The following ITGB5 variants were observed in gnomAD, a reference collection of about 807,000 sequenced individuals.
The protein encoded by ITGB5 is integrin beta-5.
A neutral mutation model predicts 84.8 loss-of-function variants in ITGB5; 38 were observed. That is an observed-to-expected ratio of 0.45 (90% CI 0.35 to 0.59). The LOEUF is 0.59. ITGB5 is among the 20% of genes least tolerant of loss of function. The pLI is 0.01. For synonymous variants in ITGB5, 393 were observed against 414.4 expected (o/e 0.95, Z 0.63); for missense variants, 905 against 1,034.5 (o/e 0.87, Z 1.72).
At chr3:124,859,874 A>G (rs1034609505) in intron 2 of ITGB5, among the ~76,000 whole-genome samples, 9 of 152,154 alleles carry the variant, frequency 5.9e-5, no homozygotes, top group African/African-American at 1.9e-4. Context: ...CTTGAGATCA[A>G]GAGTTTGAGA....
intron 11 of ITGB5, 79 bp from the exon 12 acceptor site, chr3:124,769,192 C>T (rs2063807983): frequency 5.3e-6 from 6 of 1,126,286 alleles, no homozygotes; most frequent in Non-Finnish European, 7.9e-6. Context: ...CCTGACAGTG[C>T]AGGACCTGGG....
At position 124,848,427 on chromosome 3, in the gene ITGB5, C is replaced by CGG. The variant is rs2065106419; in HGVS notation, c.492_493insCC (p.Ala165ProfsTer5). The CGG allele has an allele frequency of 6.8e-6, 11 of 1,614,174 alleles. No homozygotes were observed. The highest frequency in any genetic ancestry group is 9.3e-6 in the Non-Finnish European group (11 of 1,180,028). On this transcript the variant is annotated frameshift_variant, in exon 4 of 15. Coordinates refer to ENST00000296181, the MANE Select transcript of ITGB5 (RefSeq NM_002213.5). LOFTEE classifies it high-confidence loss of function. ...CTGGTGAGCTTCCTCATCTCCTCCG[C>CGG]GAGTTTGGTGCCCAGGCTCCGGATA... is the stretch of plus-strand genomic sequence containing the variant.
At chr3:124,880,597 G>A (rs1934520947) in intron 1 of ITGB5, among the ~76,000 whole-genome samples, 2 of 152,138 alleles carry the variant, frequency 1.3e-5, no homozygotes, top group Non-Finnish European at 2.9e-5. Flanking sequence ...TTGGGTGACA[G>A]AGCGAGATTC....
chr3:124,792,257 A>G (rs754311716), intron 10 of ITGB5: 14 of 152,374 alleles, frequency 9.2e-5, no homozygotes, highest in African/African-American at 3.4e-4. Context: ...AAAAAGCATC[A>G]TACAAAATTG....
chr3:124,804,720 G>A (rs1402771248), intron 9 of ITGB5, among the ~76,000 whole-genome samples: 6 of 152,176 alleles, frequency 3.9e-5, no homozygotes, highest in Non-Finnish European at 7.3e-5. Context: ...AGGCTAGAGT[G>A]CAGTGGTGCA....
chr3:124,846,959 T>C (rs947666799), intron 4 of ITGB5, among the ~76,000 whole-genome samples: 1 of 152,122 alleles, frequency 6.6e-6, no homozygotes, highest in African/African-American at 2.4e-5. Flanking sequence ...ATGCAGACTC[T>C]AAAAGTAGTT....
upstream of ITGB5, among the ~76,000 whole-genome samples, chr3:124,890,219 T>C (rs1579350765): frequency 1.1e-5 from 1 of 88,550 alleles, no homozygotes; most frequent in South Asian, 3.6e-4. Flanking sequence ...TTTTTTTTTT[T>C]TGGAGACGGA....
Position 124,873,426 on chromosome 3 carries a change from C to T in ITGB5, c.156+20G>A. The T allele has an allele frequency of 6.4e-7, 1 of 1,564,380 alleles. No individual in the cohort carries two copies. Among genetic ancestry groups the T allele is most frequent in the Non-Finnish European group, 8.8e-7 (1 of 1,134,676 alleles). ...TCGCAGCATTCCTTCCCTTCTTCCT[C>T]CCCTCCCCCACCTACATACCTCTTT... On this transcript the variant is annotated intron_variant, in intron 2 of 14. Coordinates refer to ENST00000296181, the MANE Select transcript of ITGB5 (RefSeq NM_002213.5).
At chr3:124,779,694 A>G (rs987910899) in intron 10 of ITGB5, among the ~76,000 whole-genome samples, 9 of 152,064 alleles carry the variant, frequency 5.9e-5, no homozygotes, top group Non-Finnish European at 1.2e-4. Flanking sequence ...TGTATATTTA[A>G]ATGGGGCCAG....
chr3:124,858,404 A>C (rs941538778), intron 3 of ITGB5, among the ~76,000 whole-genome samples: 14 of 152,162 alleles, frequency 9.2e-5, no homozygotes, highest in African/African-American at 3.4e-4. Flanking sequence ...TTCCTGAGCA[A>C]CTTGCATTCA....
intron 2 of ITGB5, among the ~76,000 whole-genome samples, chr3:124,861,546 A>G (rs755065175): frequency 2.8e-4 from 40 of 145,132 alleles, no homozygotes; most frequent in Non-Finnish European, 4.3e-4. Context: ...ACACATATAT[A>G]TATTATTCTG....
At position 124,762,413 on chromosome 3, in the gene ITGB5, C is replaced by G. The variant is rs1163980909; in HGVS notation, c.*1210G>C. The G allele has an allele frequency of 6.6e-6, 1 of 152,214 alleles. No homozygotes were observed. The highest frequency in any genetic ancestry group is 2.4e-5 in the African/African-American group (1 of 41,448). 9.4% of individuals were successfully genotyped at this position (152,214 alleles called of 1,614,324 possible). ...TAACAAACACTCGGGCAAGCCACTT[C>G]CCCTCTCTGAGAATCAGTTTCCTCT... On this transcript the variant is annotated 3_prime_UTR_variant, in exon 15 of 15. Transcript: ENST00000296181.
exon 1 of ITGB5, chr3:124,901,285 G>A (rs1302575202): frequency 6.6e-6 from 1 of 152,258 alleles, no homozygotes; most frequent in Non-Finnish European, 1.5e-5. Flanking sequence ...CAGCTATTCG[G>A]GAGGCTGAGG....
rs149343492 is a variant in ITGB5, at chr3:124,859,421, G to A, written c.182C>T (p.Thr61Ile). The A allele has an allele frequency of 4.6e-5, 75 of 1,614,124 alleles. No individual in the cohort carries two copies. In the African/African-American group the frequency reaches 9.7e-4, roughly 21 times the overall value. The change falls in exon 3 of 15, where the codon ACC becomes ATC. Residue 61 changes from threonine (T) to isoleucine (I), a missense_variant. By Grantham distance (89) the Thr-to-Ile change is moderately conservative. This residue lies in a region of ITGB5 where 656 missense variants were observed against 734.7 expected (regional missense o/e 0.89). Coordinates refer to ENST00000296181, the MANE Select transcript of ITGB5 (RefSeq NM_002213.5). ...GTTTGCCCTCAGATCACACCGAGAG[G>A]TGATGGACCGTGGGCTTCCGAAGTC... ...KEDFGSPRSI[T>I]SRCDLRANLV...
At chr3:124,775,220 GTGAGTGTGTA>G (rs1321364115) in intron 10 of ITGB5, among the ~76,000 whole-genome samples, 7 of 151,916 alleles carry the variant, frequency 4.6e-5, no homozygotes, top group African/African-American at 7.3e-5. Context: ...GAAAGCGAGT[GTGAGTGTGTA>G]TGAGTGTGTG....
intron 5 of ITGB5, among the ~76,000 whole-genome samples, chr3:124,827,988 G>C (rs56857499): frequency 0.29 from 42,070 of 142,954 alleles, 8,007 homozygotes; most frequent in African/African-American, 0.55. Flanking sequence ...CCCCCCCAAC[G>C]CCCCCGCCGC....
chr3:124,893,977 CATTA>C (rs992393001), intron 1 of ITGB5, among the ~76,000 whole-genome samples: 27 of 152,106 alleles, frequency 1.8e-4, no homozygotes, highest in African/African-American at 6.0e-4. Context: ...CGAAAATACT[CATTA>C]ATTATTACAT....
At position 124,843,561 on chromosome 3, in the gene ITGB5, G is replaced by A. The variant is rs558830921; in HGVS notation, c.612-2010C>T. Among the ~76,000 whole-genome samples, 6 of 152,342 alleles carry A rather than the reference G, an allele frequency of 3.9e-5. No homozygotes were observed. The East Asian group carries it at 1.2e-3, about 29-fold the overall frequency. Reference sequence around the variant, plus strand: ...TAAGTAGTTAGGAATTAGAAGATGTGTTTGCCAGAGAGAAGCCTTCATTGT... The same window carrying A: ...TAAGTAGTTAGGAATTAGAAGATGTATTTGCCAGAGAGAAGCCTTCATTGT... On this transcript the variant is annotated intron_variant, in intron 4 of 14. Coordinates refer to ENST00000296181, the MANE Select transcript of ITGB5 (RefSeq NM_002213.5).
intron 14 of ITGB5, 39 bp downstream of exon 14, chr3:124,764,352 C>T (rs1178370670): frequency 6.3e-7 from 1 of 1,582,848 alleles, no homozygotes; most frequent in Admixed American, 1.7e-5. Context: ...CGCCTCTGAG[C>T]TTGAAGTCTC....
Sources: allele counts gnomAD v4.1 joint callset (sites outside exome capture counted in the v4.1 genomes callset), GRCh38; gene constraint gnomAD v4.1.1; regional missense constraint gnomAD v4.1.1; transcripts MANE v1.5; gene names NCBI Gene and HGNC (gene_info 2026-07-23, HGNC 2026-07-21).